Variants in MAP4K3 observed in about 807,000 individuals in gnomAD.
MAP4K3 encodes the protein mitogen-activated protein kinase kinase kinase kinase 3.
In MAP4K3, 94 loss-of-function variants were observed where a neutral mutation model predicts 143.5. That is an observed-to-expected ratio of 0.65 (90% confidence interval 0.55 to 0.78). The LOEUF is 0.78. Among genes scored for constraint, MAP4K3 ranks in the 30% least tolerant of loss-of-function variants. The pLI, the probability that MAP4K3 is intolerant of heterozygous loss-of-function variation, is 0.00. For synonymous variants in MAP4K3, 416 were observed against 347.2 expected (o/e 1.20, Z -2.20); for missense variants, 1,077 against 1,068.1 (o/e 1.01, Z -0.12).
rs572894497 is a variant in MAP4K3, at chr2:39,428,423, C to T, written c.96+8469G>A. ...GCACAGTGGCTCACGCCTGTAATCC[C>T]AGCACTTTGGGAGGCTGAGGCAGGT... On this transcript the variant is annotated intron_variant, in intron 1 of 33. Coordinates refer to ENST00000263881, the MANE Select transcript of MAP4K3 (RefSeq NM_003618.4). Among the ~76,000 whole-genome samples, 381 of 152,328 alleles carry T rather than the reference C, an allele frequency of 2.5e-3. 1 individual carries two copies. Among genetic ancestry groups the T allele is most frequent in the African/African-American group, 8.6e-3 (357 of 41,574 alleles).
chr2:39,281,919 C>T (rs771472043), intron 22 of MAP4K3, among the ~76,000 whole-genome samples: 2 of 151,862 alleles, frequency 1.3e-5, no homozygotes, highest in Admixed American at 6.6e-5. Context: ...AACGGCAAGG[C>T]GTGGTGGCTC....
At chr2:39,425,213 G>A (rs760895228) in intron 1 of MAP4K3, among the ~76,000 whole-genome samples, 3 of 151,508 alleles carry the variant, frequency 2.0e-5, no homozygotes, top group African/African-American at 7.3e-5. Flanking sequence ...TCACAGGCAT[G>A]AGTCAGCATA....
chr2:39,286,744 A>C (rs1681793189), intron 21 of MAP4K3, 108 bp downstream of exon 21: 1 of 447,616 alleles, frequency 2.2e-6, no homozygotes, highest in African/African-American at 2.0e-5. Context: ...CAATATAGTA[A>C]TTGTAAAATA....
At chr2:39,251,788 A>G in intron 33 of MAP4K3, 42 bp downstream of exon 33, 1 of 1,506,248 alleles carries the variant, frequency 6.6e-7, no homozygotes. Flanking sequence ...GATCTATAAA[A>G]CACGTTTAGT....
At position 39,309,453 on chromosome 2, in the gene MAP4K3, C is replaced by G; in HGVS notation, c.1056+8G>C. ...TCAGTGCTAACATTCTAAGGCTATA[C>G]TACTTACAAGTTCATGATGTGGTTC... On this transcript the variant is annotated splice_region_variant and intron_variant, in intron 14 of 33. Coordinates refer to ENST00000263881, the MANE Select transcript of MAP4K3 (RefSeq NM_003618.4). 2 of 1,574,444 alleles carry G rather than the reference C, an allele frequency of 1.3e-6. No individual in the cohort carries two copies. Among genetic ancestry groups the G allele is most frequent in the Non-Finnish European group, 1.7e-6 (2 of 1,158,566 alleles).
chr2:39,341,920 A>T (rs1665151079), intron 4 of MAP4K3, among the ~76,000 whole-genome samples: 1 of 152,022 alleles, frequency 6.6e-6, no homozygotes, highest in Admixed American at 6.6e-5. Flanking sequence ...AACTATACTT[A>T]ATTAAAAGTA....
Position 39,288,243 on chromosome 2 carries a change from G to T in MAP4K3, c.1352C>A (p.Thr451Asn). 6.2e-7 allele frequency: 1 copy of T among 1,614,046 alleles called. No individual in the cohort carries two copies. Among genetic ancestry groups the T allele is most frequent in the Non-Finnish European group, 8.5e-7 (1 of 1,179,944 alleles). ...SIFIPQEMHS[T>N]EDENQGTIKR... Reference sequence around the variant, plus strand: ...GATTGTTCCTTGATTTTCATCCTCAGTAGAATGCATTTCCTGTGGTATGAA... The same window carrying T: ...GATTGTTCCTTGATTTTCATCCTCATTAGAATGCATTTCCTGTGGTATGAA... Residue 451 changes from threonine (T) to asparagine (N), a missense_variant, in exon 20 of 34, where the codon ACT (threonine) becomes AAT (asparagine). Thr to Asn is a moderately conservative substitution (Grantham distance 65, BLOSUM62 0). Transcript: ENST00000263881.
At chr2:39,314,615 T>A (rs2148504466) in intron 13 of MAP4K3, among the ~76,000 whole-genome samples, 1 of 152,294 alleles carries the variant, frequency 6.6e-6, no homozygotes, top group South Asian at 2.1e-4. Flanking sequence ...ACTCAGAGAA[T>A]AAATGCTTCT....
At chr2:39,307,274 G>C (rs2148496501) in intron 15 of MAP4K3, among the ~76,000 whole-genome samples, 1 of 152,154 alleles carries the variant, frequency 6.6e-6, no homozygotes, top group African/African-American at 2.4e-5. Context: ...ACTATTAAAA[G>C]TATTATTTAT....
chr2:39,411,390 C>G (rs1667228547), intron 1 of MAP4K3, among the ~76,000 whole-genome samples: 1 of 152,174 alleles, frequency 6.6e-6, no homozygotes, highest in African/African-American at 2.4e-5. Context: ...TAAACAGTGA[C>G]TCCATTTCAT....
intron 2 of MAP4K3, among the ~76,000 whole-genome samples, chr2:39,373,722 G>A (rs1180200954): frequency 2.6e-5 from 4 of 152,150 alleles, no homozygotes; most frequent in Non-Finnish European, 5.9e-5. Context: ...ATTTATCTGT[G>A]GGAGCTAAAA....
intron 1 of MAP4K3, among the ~76,000 whole-genome samples, chr2:39,396,791 A>G (rs1263550003): frequency 6.6e-6 from 1 of 152,188 alleles, no homozygotes; most frequent in Admixed American, 6.5e-5. Context: ...TTAACTTATG[A>G]AAGTTTTTCA....
At chr2:39,385,831 C>T (rs1012500825) in intron 1 of MAP4K3, among the ~76,000 whole-genome samples, 6 of 151,842 alleles carry the variant, frequency 4.0e-5, no homozygotes, top group Admixed American at 6.6e-5. Flanking sequence ...GAGGTTTCAC[C>T]ATGTTGGTCA....
intron 16 of MAP4K3, chr2:39,294,348 TA>T (rs1490614488): frequency 6.6e-6 from 1 of 152,198 alleles, no homozygotes; most frequent in Non-Finnish European, 1.5e-5. Flanking sequence ...ATTTAAATTT[TA>T]AAAAATGAAA....
At chr2:39,293,289 CA>C in intron 16 of MAP4K3, 21 bp from the exon 17 acceptor site, 8 of 1,414,110 alleles carry the variant, frequency 5.7e-6, no homozygotes, top group South Asian at 1.3e-5. Context: ...AAAACAAAAA[CA>C]AAAAATAATG....
At position 39,370,594 on chromosome 2, in the gene MAP4K3, T is replaced by C. The variant is rs765158786; in HGVS notation, c.154+7472A>G. On this transcript the variant is annotated intron_variant, in intron 2 of 33. Coordinates refer to ENST00000263881, the MANE Select transcript of MAP4K3 (RefSeq NM_003618.4). The stretch of plus-strand genomic sequence containing the variant: ...TAGTGGAATAAGGTCTTATTGGTAC[T>C]TTTTTGCACTTTTAAAATTTAGCTT... Among the ~76,000 whole-genome samples, 2 of 152,214 alleles carry C rather than the reference T, an allele frequency of 1.3e-5. 1 individual carries two copies. The highest frequency in any genetic ancestry group is 4.1e-4 in the South Asian group (2 of 4,832).
chr2:39,350,156 T>A (rs567352731), intron 3 of MAP4K3, among the ~76,000 whole-genome samples: 1 of 152,204 alleles, frequency 6.6e-6, no homozygotes, highest in Non-Finnish European at 1.5e-5. Context: ...GCCTTAAGTG[T>A]TGATAATGCC....
At chr2:39,271,343 T>A (rs1434490037) in intron 26 of MAP4K3, among the ~76,000 whole-genome samples, 1 of 152,052 alleles carries the variant, frequency 6.6e-6, no homozygotes, top group African/African-American at 2.4e-5. Context: ...GCTAAAAAGG[T>A]CTCTATTGAG....
At chr2:39,301,220 A>T (rs969482621) in intron 15 of MAP4K3, among the ~76,000 whole-genome samples, 6 of 152,256 alleles carry the variant, frequency 3.9e-5, no homozygotes, top group African/African-American at 1.4e-4. Context: ...TATTCCATGC[A>T]TAATAAAGTG....
Sources: gnomAD v4.1 joint callset for allele counts (sites outside exome capture counted in the v4.1 genomes callset) on GRCh38, gnomAD v4.1.1 for gene constraint, MANE v1.5 for transcripts, NCBI Gene and HGNC (gene_info 2026-07-23, HGNC 2026-07-21) for gene names.